PBX3: variants seen among roughly 807,000 people sequenced by gnomAD.
The protein encoded by PBX3 is PBX homeobox 3, also known as pre-B-cell leukemia transcription factor 3.
A neutral mutation model predicts 48.5 loss-of-function variants in PBX3; 14 were observed. That is an observed-to-expected ratio of 0.29 (90% confidence interval 0.19 to 0.45). The LOEUF (loss-of-function observed/expected upper bound fraction) is 0.45. Among genes scored for constraint, PBX3 ranks in the 20% least tolerant of loss-of-function variants. The pLI, the probability that PBX3 is intolerant of heterozygous loss-of-function variation, is 1.00. For synonymous variants in PBX3, 210 were observed against 200.3 expected (o/e 1.05, Z -0.41); for missense variants, 386 against 546.7 (o/e 0.71, Z 2.93).
chr9:125,873,283 A>G (rs2132327139), intron 2 of PBX3, among the ~76,000 whole-genome samples: 1 of 152,286 alleles, frequency 6.6e-6, no homozygotes, highest in South Asian at 2.1e-4. Context: ...CCTGTTGGCA[A>G]CTGATAGAAT....
At chr9:125,788,450 A>G (rs1837513604) in intron 2 of PBX3, among the ~76,000 whole-genome samples, 1 of 152,220 alleles carries the variant, frequency 6.6e-6, no homozygotes, top group African/African-American at 2.4e-5. Flanking sequence ...ACATTTATCT[A>G]TTCATTGTCT....
intron 2 of PBX3, among the ~76,000 whole-genome samples, chr9:125,785,314 C>A (rs1398148429): frequency 6.6e-6 from 1 of 152,130 alleles, no homozygotes; most frequent in African/African-American, 2.4e-5. Context: ...GGAAGATTTA[C>A]CCTCAGCGTG....
At chr9:125,945,092 C>T (rs545586183) in intron 5 of PBX3, among the ~76,000 whole-genome samples, 108 of 152,104 alleles carry the variant, frequency 7.1e-4, no homozygotes, top group African/African-American at 2.5e-3. Flanking sequence ...GGCATGGTGG[C>T]GCATGCCGGT....
At chr9:125,760,146 G>T (rs576752603) in intron 2 of PBX3, among the ~76,000 whole-genome samples, 1 of 152,200 alleles carries the variant, frequency 6.6e-6, no homozygotes, top group East Asian at 1.9e-4. Flanking sequence ...AAACGAGATG[G>T]CAACACAAAT....
chr9:125,814,925 T>C (rs1838413627), intron 2 of PBX3, among the ~76,000 whole-genome samples: 1 of 152,240 alleles, frequency 6.6e-6, no homozygotes, highest in Non-Finnish European at 1.5e-5. Flanking sequence ...CTATTCCCAA[T>C]TGCCATTCTT....
intron 2 of PBX3, among the ~76,000 whole-genome samples, chr9:125,765,338 C>T (rs1337593566): frequency 6.6e-6 from 1 of 151,914 alleles, no homozygotes; most frequent in African/African-American, 2.4e-5. Flanking sequence ...TTTGTACAGA[C>T]TGTTGTTCAC....
chr9:125,828,479 T>C (rs888938281), intron 2 of PBX3, among the ~76,000 whole-genome samples: 2 of 152,186 alleles, frequency 1.3e-5, no homozygotes, highest in African/African-American at 4.8e-5. Context: ...CATTCTGTAT[T>C]CTAAGCCAAT....
At chr9:125,871,716 T>C (rs779141003) in intron 2 of PBX3, among the ~76,000 whole-genome samples, 4 of 152,190 alleles carry the variant, frequency 2.6e-5, no homozygotes, top group Non-Finnish European at 5.9e-5. Flanking sequence ...TTCCAATATA[T>C]TGGGTTAATT....
chr9:125,835,051 A>AAAAAAAAAAAAAAT (rs1564681272), intron 2 of PBX3, among the ~76,000 whole-genome samples: 4 of 108,002 alleles, frequency 3.7e-5, no homozygotes, highest in African/African-American at 1.1e-4. Context: ...AAAAAAAAAA[A>AAAAAAAAAAAAAAT]GGGCAAAAGA....
At chr9:125,865,780 A>T (rs866970252) in intron 2 of PBX3, among the ~76,000 whole-genome samples, 28 of 152,306 alleles carry the variant, frequency 1.8e-4, no homozygotes, top group Middle Eastern at 3.4e-3. Flanking sequence ...AGAGACAAAG[A>T]TTATGTAGTT....
intron 2 of PBX3, among the ~76,000 whole-genome samples, chr9:125,820,431 G>A (rs985278401): frequency 1.2e-4 from 18 of 152,138 alleles, no homozygotes; most frequent in Admixed American, 1.0e-3. Context: ...CTTTGTTCTC[G>A]CTCCCTCACT....
At chr9:125,962,619 C>G (rs575345193) in intron 7 of PBX3, among the ~76,000 whole-genome samples, 5 of 152,264 alleles carry the variant, frequency 3.3e-5, no homozygotes, top group Admixed American at 6.5e-5. Flanking sequence ...TTCTTGTCCT[C>G]TTATTTGAGA....
intron 2 of PBX3, among the ~76,000 whole-genome samples, chr9:125,772,291 A>T (rs1298728417): frequency 6.6e-6 from 1 of 152,164 alleles, no homozygotes; most frequent in African/African-American, 2.4e-5. Context: ...GTATTGCTTT[A>T]TTGAGGTGAT....
chr9:125,860,273 T>C (rs1475130032), intron 2 of PBX3, among the ~76,000 whole-genome samples: 2 of 152,186 alleles, frequency 1.3e-5, no homozygotes, highest in Admixed American at 1.3e-4. Context: ...GTAACAAATG[T>C]TCATAATTCT....
chr9:125,944,593 T>C (rs1842028173), intron 5 of PBX3, among the ~76,000 whole-genome samples: 1 of 152,204 alleles, frequency 6.6e-6, no homozygotes, highest in Non-Finnish European at 1.5e-5. Context: ...GGGGTTTACT[T>C]TCTATTGAGA....
chr9:125,816,997 A>T (rs914199382), intron 2 of PBX3, among the ~76,000 whole-genome samples: 1 of 152,164 alleles, frequency 6.6e-6, no homozygotes, highest in Non-Finnish European at 1.5e-5. Flanking sequence ...GTATCTGTGC[A>T]TGCGTAGCTG....
At chr9:125,762,869 G>A (rs1185877495) in intron 2 of PBX3, among the ~76,000 whole-genome samples, 2 of 152,088 alleles carry the variant, frequency 1.3e-5, no homozygotes, top group Non-Finnish European at 2.9e-5. Flanking sequence ...TCTATATTTA[G>A]TGATGCAAAA....
chr9:125,943,352 C>CAAAAAAAAA lies in PBX3; in HGVS notation c.843+7784_843+7792dup, dbSNP rs60326557. Reference sequence around the variant, plus strand: ...CTTGGGCTGCAGAGTGAGACTGTCTCAAAAAAAAAAAAAAAAAAAAAAAAA... The same window carrying CAAAAAAAAA: ...CTTGGGCTGCAGAGTGAGACTGTCTCAAAAAAAAAAAAAAAAAAAAAAAAAAAAAAAAAA... On this transcript the variant is annotated intron_variant, in intron 5 of 8. Transcript: ENST00000373489. 7.7e-4 allele frequency among the ~76,000 whole-genome samples: 47 copies of CAAAAAAAAA among 60,876 alleles called. 1 individual carries two copies. Among genetic ancestry groups the CAAAAAAAAA allele is most frequent in the Non-Finnish European group, 1.2e-3 (39 of 31,360 alleles). 39.9% of individuals were successfully genotyped at this position (60,876 alleles called of 152,430 possible).
At chr9:125,931,364 G>A (rs992401821) in intron 4 of PBX3, among the ~76,000 whole-genome samples, 6 of 152,120 alleles carry the variant, frequency 3.9e-5, no homozygotes, top group Non-Finnish European at 8.8e-5. Flanking sequence ...AGTAAATGAT[G>A]CTATCATGGC....
Sources: allele counts gnomAD v4.1 joint callset (sites outside exome capture counted in the v4.1 genomes callset), GRCh38; gene constraint gnomAD v4.1.1; transcripts MANE v1.5; gene names NCBI Gene and HGNC (gene_info 2026-07-23, HGNC 2026-07-21).